HAUS6: variants seen among roughly 807,000 people sequenced by gnomAD.
The protein encoded by HAUS6 is HAUS augmin like complex subunit 6.
Under a neutral mutation model 106.8 loss-of-function variants are expected in HAUS6, and 80 were observed. That is an observed-to-expected ratio of 0.75 (90% CI 0.63 to 0.90). The LOEUF (loss-of-function observed/expected upper bound fraction) is 0.90, where lower values mean the gene tolerates loss of function less well. Ranked by LOEUF, HAUS6 falls within the 40% of genes least tolerant of loss-of-function variation. The pLI, the probability that HAUS6 is intolerant of heterozygous loss-of-function variation, is 0.00. For missense variants in HAUS6, 1,155 were observed against 1,118.1 expected (o/e 1.03, Z -0.47); for synonymous variants, 356 against 379.1 (o/e 0.94, Z 0.71).
At chr9:19,060,838 A>G (rs182836252) in intron 14 of HAUS6, among the ~76,000 whole-genome samples, 25 of 152,340 alleles carry the variant, frequency 1.6e-4, no homozygotes, top group Non-Finnish European at 1.0e-4. Flanking sequence ...CGACATCACT[A>G]AAAAATAAAC....
rs912728038 is a variant in HAUS6 at position 19,063,583 on chromosome 9, A to C, written c.1377-3T>G. 1.3e-6 allele frequency: 2 copies of C among 1,594,486 alleles called. No individual in the cohort carries two copies. The highest frequency in any genetic ancestry group is 1.3e-5 in the African/African-American group (1 of 74,568). Reference sequence around the variant, plus strand: ...ACTGCGACAAGAAAGAGGCAGGGCTAAAAGGAAAAAAGACAACAAATCCAA... The same window carrying C: ...ACTGCGACAAGAAAGAGGCAGGGCTCAAAGGAAAAAAGACAACAAATCCAA... On this transcript the variant is annotated splice_polypyrimidine_tract_variant and splice_region_variant and intron_variant, in intron 12 of 16. Transcript: ENST00000380502.
At chr9:19,078,525 T>C (rs376357514) in intron 9 of HAUS6, among the ~76,000 whole-genome samples, 5 of 152,144 alleles carry the variant, frequency 3.3e-5, no homozygotes, top group Non-Finnish European at 7.4e-5. Flanking sequence ...CAGTGTCTCA[T>C]GCCTGTAATC....
intron 11 of HAUS6, among the ~76,000 whole-genome samples, chr9:19,070,932 G>A (rs1006630327): frequency 6.6e-6 from 1 of 152,196 alleles, no homozygotes; most frequent in South Asian, 2.1e-4. Flanking sequence ...AGAGAACGAG[G>A]TACAAGTTGC....
At chr9:19,088,133 G>A (rs764039530) in intron 5 of HAUS6, among the ~76,000 whole-genome samples, 1 of 152,332 alleles carries the variant, frequency 6.6e-6, no homozygotes. Context: ...GTAATACACT[G>A]GTAGGGTACA....
At chr9:19,077,489 C>G (rs995311393) in intron 10 of HAUS6, among the ~76,000 whole-genome samples, 1 of 151,942 alleles carries the variant, frequency 6.6e-6, no homozygotes, top group Non-Finnish European at 1.5e-5. Context: ...GAGCTGAGAT[C>G]GTGCCACTGC....
intron 2 of HAUS6, 137 bp from the exon 3 acceptor site, chr9:19,094,532 T>C: frequency 1.7e-6 from 1 of 601,990 alleles, no homozygotes; most frequent in South Asian, 2.1e-5. Flanking sequence ...TGGCTCACAC[T>C]TTTAATCCCA....
intron 10 of HAUS6, among the ~76,000 whole-genome samples, chr9:19,076,963 C>CCT (rs1837022925): frequency 6.6e-6 from 1 of 152,110 alleles, no homozygotes; most frequent in Non-Finnish European, 1.5e-5. Flanking sequence ...CCCACTTCAG[C>CCT]CTCTCGAGTA....
chr9:19,072,638 T>C (rs1836904185), intron 11 of HAUS6, among the ~76,000 whole-genome samples: 1 of 152,180 alleles, frequency 6.6e-6, no homozygotes, highest in Non-Finnish European at 1.5e-5. Context: ...TCTAGAATTC[T>C]ATATCCAACT....
In HAUS6 at chr9:19,054,039, G is replaced by A. The variant is rs1472355524; in HGVS notation, c.*2304C>T. 2 of 152,146 alleles carry A rather than the reference G, an allele frequency of 1.3e-5. No individual in the cohort carries two copies. The highest frequency in any genetic ancestry group is 6.5e-5 in the Admixed American group (1 of 15,278). The allele number at this position is 152,146 out of a possible 1,614,324, so 9.4% of individuals were successfully genotyped here. A position where few individuals can be genotyped will look rare whatever the true frequency, so the allele number is the denominator to read the frequency against. On this transcript the variant is annotated 3_prime_UTR_variant, in exon 17 of 17. Transcript: ENST00000380502. ...ATTTCAGAGAAGGAGTAGGCACATG[G>A]ATATAAAAAGCGTGGATTAAGACTT...
chr9:19,067,435 C>T (rs1588602752), intron 12 of HAUS6, among the ~76,000 whole-genome samples: 1 of 152,112 alleles, frequency 6.6e-6, no homozygotes. Context: ...TTTTATATCC[C>T]ATTAACCATT....
At chr9:19,063,247 A>C in intron 13 of HAUS6, 54 bp from the exon 14 acceptor site, 5 of 1,190,658 alleles carry the variant, frequency 4.2e-6, no homozygotes, top group Non-Finnish European at 4.8e-6. Flanking sequence ...GCTGATCCTG[A>C]AGCTGTCTTC....
intron 4 of HAUS6, chr9:19,089,798 C>T (rs929644030): frequency 2.0e-6 from 1 of 495,402 alleles, no homozygotes; most frequent in African/African-American, 2.0e-5. Context: ...AGCTAGTATA[C>T]CACAAACATA....
Position 19,056,224 on chromosome 9 carries a change from T to C in HAUS6, c.*119A>G. 3.3e-6 allele frequency: 2 copies of C among 604,732 alleles called. No homozygotes were observed. Among genetic ancestry groups the C allele is most frequent in the Non-Finnish European group, 6.0e-6 (2 of 336,022 alleles). 37.5% of individuals were successfully genotyped at this position (604,732 alleles called of 1,614,324 possible). On this transcript the variant is annotated 3_prime_UTR_variant, in exon 17 of 17. Transcript: ENST00000380502. ...GAAGGCTAAAAGGCATTAGGAATTT[T>C]TTTAAACCTTGAAAAACAGTGTTAC...
intron 1 of HAUS6, among the ~76,000 whole-genome samples, chr9:19,100,068 G>A (rs1026890021): frequency 3.9e-5 from 6 of 152,028 alleles, no homozygotes; most frequent in Admixed American, 1.3e-4. Flanking sequence ...GGTGGCAGGC[G>A]CCTGTATTCC....
In HAUS6 at chr9:19,056,386, T is replaced by C. The variant is rs1836470040; in HGVS notation, c.2825A>G (p.Lys942Arg). The C allele has an allele frequency of 6.4e-7, 1 of 1,551,116 alleles. No individual in the cohort carries two copies. The highest frequency in any genetic ancestry group is 1.4e-5 in the African/African-American group (1 of 73,802). The change falls in exon 17 of 17, where the codon AAG becomes AGG. Residue 942 changes from lysine (K) to arginine (R), a missense_variant. By Grantham distance (26) the Lys-to-Arg change is conservative. This residue lies in a region of HAUS6 where 380 missense variants were observed against 394.8 expected (regional missense o/e 0.96). Transcript: ENST00000380502. ...CGGTGGTTCTTTTGCATCAAGGCTC[T>C]TATTCAAAATGTCTTCTTCTGCAAA... ...PNLKEEDILN[K>R]SLDAKEPPSD... is the part of the protein sequence containing the mutation.
chr9:19,084,093 T>A (rs1205243505), intron 7 of HAUS6, among the ~76,000 whole-genome samples: 1 of 150,070 alleles, frequency 6.7e-6, no homozygotes, highest in African/African-American at 2.4e-5. Flanking sequence ...TGTCTATTTG[T>A]AACAATCAAA....
At position 19,074,155 on chromosome 9, in the gene HAUS6, G is replaced by A. The variant is rs528561584; in HGVS notation, c.1294+2447C>T. On this transcript the variant is annotated intron_variant, in intron 11 of 16. Coordinates refer to ENST00000380502, the MANE Select transcript of HAUS6 (RefSeq NM_017645.5). ...CCAGCTACTGGGGAGGCTGAGGCAGGAGAATTGCTTGAACCCGGGAGGCGA... is the reference window on the plus strand; with the variant it reads ...CCAGCTACTGGGGAGGCTGAGGCAGAAGAATTGCTTGAACCCGGGAGGCGA... Among the ~76,000 whole-genome samples, 48 of 152,122 alleles carry A rather than the reference G, an allele frequency of 3.2e-4. 1 individual carries two copies. The South Asian group carries it at 5.4e-3, about 17-fold the overall frequency.
chr9:19,083,795 C>G (rs1184659028), intron 7 of HAUS6, among the ~76,000 whole-genome samples: 2 of 117,466 alleles, frequency 1.7e-5, no homozygotes, highest in African/African-American at 6.9e-5. Flanking sequence ...GAGCAAGACT[C>G]CATCTCAAAA....
At chr9:19,093,623 T>C (rs1030570069) in intron 3 of HAUS6, among the ~76,000 whole-genome samples, 13 of 152,214 alleles carry the variant, frequency 8.5e-5, no homozygotes, top group African/African-American at 3.1e-4. Flanking sequence ...AATCCCAGCA[T>C]TTTGGGAGGC....
Sources: gnomAD v4.1 joint callset for allele counts (sites outside exome capture counted in the v4.1 genomes callset) on GRCh38, gnomAD v4.1.1 for gene constraint, gnomAD v4.1.1 regional missense constraint, MANE v1.5 for transcripts, NCBI Gene and HGNC (gene_info 2026-07-23, HGNC 2026-07-21) for gene names.